Variants in ZBTB49 observed in about 807,000 individuals in gnomAD.
The protein encoded by ZBTB49 is zinc finger and BTB domain-containing protein 49.
In ZBTB49, 43 loss-of-function variants were observed where a neutral mutation model predicts 57.5. That is an observed-to-expected ratio of 0.75 (90% CI 0.59 to 0.97). The LOEUF (loss-of-function observed/expected upper bound fraction) is 0.97. Among genes scored for constraint, ZBTB49 ranks in the 50% least tolerant of loss-of-function variants. The pLI, the probability that ZBTB49 is intolerant of heterozygous loss-of-function variation, is 0.00. For synonymous variants in ZBTB49, 369 were observed against 362.1 expected (o/e 1.02, Z -0.22); for missense variants, 938 against 947.7 (o/e 0.99, Z 0.13).
In ZBTB49 at chr4:4,321,315, G is replaced by C; in HGVS notation, c.2297G>C (p.Ter766SerextTer14). The change falls in exon 8 of 8, where the codon TGA becomes TCA. Residue 766 changes from the stop codon to serine (S), a stop_lost. Transcript: ENST00000337872. ...CAGAATGAAAACGAGTTAGACCAGT[G>C]ATGTACCGCGCTTCTCCACGGTAGA... Reference protein sequence around the residue: ...TLQNENELDQ* With the variant: ...TLQNENELDQS 6.2e-7 allele frequency: 1 copy of C among 1,608,290 alleles called. No individual in the cohort carries two copies. The highest frequency in any genetic ancestry group is 8.5e-7 in the Non-Finnish European group (1 of 1,179,962).
At chr4:4,310,879 C>G (rs1720960021) in intron 4 of ZBTB49, among the ~76,000 whole-genome samples, 3 of 151,872 alleles carry the variant, frequency 2.0e-5, no homozygotes, top group Admixed American at 2.0e-4. Flanking sequence ...GTCTGTGCAC[C>G]TAAGATATCC....
intron 2 of ZBTB49, among the ~76,000 whole-genome samples, chr4:4,301,666 A>G (rs16835534): frequency 0.021 from 3,164 of 152,202 alleles, 102 homozygotes; most frequent in African/African-American, 0.072. Flanking sequence ...CATATTGGGA[A>G]TTATCTTAGA....
intron 4 of ZBTB49, among the ~76,000 whole-genome samples, chr4:4,309,205 A>G (rs774107799): frequency 6.6e-6 from 1 of 152,230 alleles, no homozygotes; most frequent in African/African-American, 2.4e-5. Context: ...CGCAGCCTGC[A>G]TTATGAGGAT....
At chr4:4,309,337 C>T (rs547708158) in intron 4 of ZBTB49, among the ~76,000 whole-genome samples, 4 of 152,102 alleles carry the variant, frequency 2.6e-5, no homozygotes, top group African/African-American at 4.8e-5. Flanking sequence ...CATACTTTAA[C>T]GGAAGAGTCA....
chr4:4,300,870 C>CT lies in ZBTB49; in HGVS notation c.152+783dup, dbSNP rs1229338131. On this transcript the variant is annotated intron_variant, in intron 2 of 7. Transcript: ENST00000337872. ...GTTTCTCTCTCTTTAAATACAAAGT[C>CT]TTTTTTTTTTAAAGTACTTTTTGTT... 6.6e-4 allele frequency among the ~76,000 whole-genome samples: 97 copies of CT among 148,038 alleles called. 1 individual carries two copies. The highest frequency in any genetic ancestry group is 1.2e-3 in the Non-Finnish European group (77 of 66,786).
At chr4:4,303,726 TTC>T (rs148456390) in intron 3 of ZBTB49, among the ~76,000 whole-genome samples, 33,287 of 121,620 alleles carry the variant, frequency 0.27, 4,554 homozygotes, top group Admixed American at 0.36. Flanking sequence ...TTTTAAGGTA[TTC>T]TCTCTCTCTC....
At chr4:4,310,443 G>C (rs929015397) in intron 4 of ZBTB49, among the ~76,000 whole-genome samples, 2 of 151,924 alleles carry the variant, frequency 1.3e-5, no homozygotes, top group Admixed American at 1.3e-4. Context: ...TCTTCGCAAC[G>C]GTTTAGCAAA....
chr4:4,313,928 G>A (rs1187606327), intron 5 of ZBTB49, among the ~76,000 whole-genome samples: 1 of 152,130 alleles, frequency 6.6e-6, no homozygotes, highest in Non-Finnish European at 1.5e-5. Context: ...TATGCCAAGT[G>A]CTATATGGGT....
At chr4:4,307,889 T>C (rs1428861476) in intron 4 of ZBTB49, among the ~76,000 whole-genome samples, 3 of 152,196 alleles carry the variant, frequency 2.0e-5, no homozygotes, top group Non-Finnish European at 4.4e-5. Flanking sequence ...TTAAATTATG[T>C]TGAGAGTAGA....
intron 7 of ZBTB49, among the ~76,000 whole-genome samples, chr4:4,320,073 C>T (rs1011439623): frequency 2.0e-5 from 3 of 151,746 alleles, no homozygotes; most frequent in East Asian, 3.9e-4. Flanking sequence ...GACAAACACC[C>T]GAATACACAA....
chr4:4,302,486 G>A lies in ZBTB49; in HGVS notation c.650G>A (p.Arg217Lys). ...FKQPNYYYKLRNFYSKQYHKH... is the reference protein window; with the variant it reads ...FKQPNYYYKLKNFYSKQYHKH... ...CAGCCAAATTACTATTACAAACTCA[G>A]AAACTTTTACAGTAAGCAGTACCAT... The change falls in exon 3 of 8, where the codon AGA (arginine) becomes AAA (lysine). Residue 217 changes from arginine to lysine, a missense_variant. This residue lies in a region of ZBTB49 where 835 missense variants were observed against 819.1 expected (regional missense o/e 1.02). Coordinates refer to ENST00000337872, the MANE Select transcript of ZBTB49 (RefSeq NM_145291.4). 6.2e-7 allele frequency: 1 copy of A among 1,614,172 alleles called. No homozygotes were observed. Among genetic ancestry groups the A allele is most frequent in the Non-Finnish European group, 8.5e-7 (1 of 1,180,020 alleles).
intron 7 of ZBTB49, 80 bp downstream of exon 7, chr4:4,316,050 C>T (rs1470264): frequency 0.27 from 410,557 of 1,537,356 alleles, 56,915 homozygotes; most frequent in Admixed American, 0.31. Flanking sequence ...TAGCTGAGTG[C>T]GTGTCTGGGA....
chr4:4,295,078 G>T (rs2980163), intron 1 of ZBTB49, among the ~76,000 whole-genome samples: 2 of 151,894 alleles, frequency 1.3e-5, no homozygotes, highest in African/African-American at 4.8e-5. Flanking sequence ...GTGAATGGTG[G>T]TAATTGGGTT....
In ZBTB49 at chr4:4,302,716, T is replaced by C. The variant is rs151290923; in HGVS notation, c.880T>C (p.Cys294Arg). 5.6e-5 allele frequency: 91 copies of C among 1,613,406 alleles called. 1 individual carries two copies. In the Middle Eastern group the frequency reaches 2.8e-3, roughly 50 times the overall value. The part of the protein sequence containing the change: ...SAPHPESDAT[C>R]QQPVKQMRLK... ...CCCACACCCTGAGTCAGACGCCACA[T>C]GCCAACAACCTGTCAAGCAGATGAG... The change falls in exon 3 of 8, where the codon TGC becomes CGC. Residue 294 changes from cysteine (C) to arginine (R), a missense_variant. This residue lies in a region of ZBTB49 where 835 missense variants were observed against 819.1 expected (regional missense o/e 1.02). Transcript: ENST00000337872.
chr4:4,291,472 A>G (rs570346885), intron 1 of ZBTB49, among the ~76,000 whole-genome samples: 18 of 152,336 alleles, frequency 1.2e-4, no homozygotes, highest in African/African-American at 3.8e-4. Context: ...TCCAAATACA[A>G]TCACATTCTG....
intron 5 of ZBTB49, among the ~76,000 whole-genome samples, chr4:4,314,829 C>T (rs953885019): frequency 1.3e-5 from 2 of 152,220 alleles, no homozygotes; most frequent in Non-Finnish European, 2.9e-5. Flanking sequence ...CGCCTCTGAA[C>T]TTGGTTTTCC....
chr4:4,306,730 CAAAGAA>C (rs929077989), intron 4 of ZBTB49, among the ~76,000 whole-genome samples: 1 of 152,210 alleles, frequency 6.6e-6, no homozygotes, highest in Non-Finnish European at 1.5e-5. Flanking sequence ...GCATGGGACA[CAAAGAA>C]ACCTAGAGAC....
intron 5 of ZBTB49, among the ~76,000 whole-genome samples, chr4:4,313,750 C>A (rs1036618156): frequency 6.6e-6 from 1 of 152,236 alleles, no homozygotes; most frequent in African/African-American, 2.4e-5. Flanking sequence ...TGTCCTTGGG[C>A]TGTACGTCAA....
At chr4:4,319,680 G>A (rs1174273453) in intron 7 of ZBTB49, among the ~76,000 whole-genome samples, 2 of 151,940 alleles carry the variant, frequency 1.3e-5, no homozygotes, top group African/African-American at 4.8e-5. Context: ...AATTAGCCTG[G>A]TGTGTTGGCA....
Sources: allele counts gnomAD v4.1 joint callset (sites outside exome capture counted in the v4.1 genomes callset), GRCh38; gene constraint gnomAD v4.1.1; regional missense constraint gnomAD v4.1.1; transcripts MANE v1.5; gene names NCBI Gene and HGNC (gene_info 2026-07-23, HGNC 2026-07-21).